Variants in PHACTR1 observed in about 807,000 individuals in gnomAD.
PHACTR1 encodes phosphatase and actin regulator 1.
PHACTR1 carries 16 observed loss-of-function variants against 69.2 expected under a neutral mutation model. The ratio of observed to expected loss-of-function variants is 0.23; its 90% confidence interval spans 0.16 to 0.35. The LOEUF is 0.35. PHACTR1 is among the 10% of genes least tolerant of loss of function. The pLI is 1.00. For synonymous variants in PHACTR1, 312 were observed against 284.5 expected, an observed-to-expected ratio of 1.10 and a Z score of -0.97; for missense variants, 510 against 734.7, an observed-to-expected ratio of 0.69 and a Z score of 3.54.
chr6:12,767,446 G>A (rs1023993514), intron 4 of PHACTR1, among the ~76,000 whole-genome samples: 2 of 152,208 alleles, frequency 1.3e-5, no homozygotes, highest in African/African-American at 4.8e-5. Context: ...TGGAGAAAAA[G>A]GTTTCCTTCA....
intron 8 of PHACTR1, among the ~76,000 whole-genome samples, chr6:13,216,106 T>A (rs1346583889): frequency 6.6e-6 from 1 of 152,242 alleles, no homozygotes; most frequent in Non-Finnish European, 1.5e-5. Flanking sequence ...ATTTTTACAT[T>A]GGACAGAAGA....
In PHACTR1 at chr6:12,788,311, G is replaced by A. The variant is rs1440577034; in HGVS notation, c.250+38521G>A. Among the ~76,000 whole-genome samples the A allele has an allele frequency of 2.0e-5, 3 of 152,238 alleles. No individual in the cohort carries two copies. In the East Asian group the frequency reaches 5.8e-4, roughly 29 times the overall value. On this transcript the variant is annotated intron_variant, in intron 4 of 14. Coordinates refer to ENST00000332995, the MANE Select transcript of PHACTR1 (RefSeq NM_030948.6). ...AGCGAGATGAGGGCTTTGCTTTGCA[G>A]AAATGAAAATCTAGAGGCCATGGTC... is the stretch of plus-strand genomic sequence containing the variant.
At chr6:13,055,250 C>A (rs1806591802) in intron 5 of PHACTR1, among the ~76,000 whole-genome samples, 1 of 152,022 alleles carries the variant, frequency 6.6e-6, no homozygotes, top group Non-Finnish European at 1.5e-5. Flanking sequence ...TAAGTCCCAC[C>A]ACTCTGACTC....
At chr6:13,100,360 A>G (rs1177743574) in intron 5 of PHACTR1, among the ~76,000 whole-genome samples, 2 of 152,198 alleles carry the variant, frequency 1.3e-5, no homozygotes, top group East Asian at 1.9e-4. Context: ...CTACATGTGT[A>G]TAAACCCCAA....
intron 4 of PHACTR1, among the ~76,000 whole-genome samples, chr6:12,889,606 AT>A (rs545719455): frequency 3.3e-5 from 5 of 151,930 alleles, no homozygotes; most frequent in Non-Finnish European, 5.9e-5. Flanking sequence ...TTTCAGTGTT[AT>A]TTTTTTGGCC....
chr6:13,264,925 G>A (rs1776419915), intron 10 of PHACTR1: 1 of 151,944 alleles, frequency 6.6e-6, no homozygotes, highest in African/African-American at 2.4e-5. Context: ...AGGAGGCTGA[G>A]GTGAGAGGAT....
At chr6:13,096,450 C>T (rs1395838754) in intron 5 of PHACTR1, among the ~76,000 whole-genome samples, 1 of 152,240 alleles carries the variant, frequency 6.6e-6, no homozygotes, top group Non-Finnish European at 1.5e-5. Flanking sequence ...TTCTTTTCCA[C>T]TCTTTAACCT....
At chr6:13,143,476 G>T (rs535547034) in intron 5 of PHACTR1, among the ~76,000 whole-genome samples, 15 of 152,324 alleles carry the variant, frequency 9.8e-5, no homozygotes, top group Non-Finnish European at 1.9e-4. Context: ...CGAACTGTGT[G>T]TGCAGATATC....
chr6:12,948,369 G>A (rs1294385557), intron 4 of PHACTR1, among the ~76,000 whole-genome samples: 1 of 152,106 alleles, frequency 6.6e-6, no homozygotes, highest in African/African-American at 2.4e-5. Context: ...AAAGAAAGAG[G>A]TATATCCCAG....
chr6:12,987,908 C>T (rs545400082), intron 4 of PHACTR1, among the ~76,000 whole-genome samples: 5 of 152,180 alleles, frequency 3.3e-5, no homozygotes, highest in Non-Finnish European at 7.3e-5. Context: ...CACCAGTCCC[C>T]ACTATGACTG....
rs1401058863 is a variant in PHACTR1 at position 13,283,276 on chromosome 6, CCCCCTG to C, written c.1510-134_1510-129del. 1.1e-5 allele frequency: 8 copies of C among 718,418 alleles called. No homozygotes were observed. Among genetic ancestry groups the C allele is most frequent in the Non-Finnish European group, 1.5e-5 (7 of 456,174 alleles). The allele number at this position is 718,418 out of a possible 1,614,324, so 44.5% of individuals were successfully genotyped here. Reference sequence around the variant, plus strand: ...ACTTGGGTCCCCCCACCCTGGCCCTCCCCCTGCCCCTGCCCCTCACTCACTATGCGA... The same window carrying C: ...ACTTGGGTCCCCCCACCCTGGCCCTCCCCCTGCCCCTCACTCACTATGCGA... On this transcript the variant is annotated intron_variant, in intron 12 of 14. Transcript: ENST00000332995. This position sits in a 1 kb window ranked among gnomAD's most constrained non-coding sequence, Gnocchi z 4.7.
chr6:13,236,956 A>G (rs1026955340), intron 10 of PHACTR1, among the ~76,000 whole-genome samples: 7 of 152,042 alleles, frequency 4.6e-5, no homozygotes, highest in African/African-American at 1.7e-4. Context: ...TGAAAAGTCC[A>G]CCCTTGCATC....
intron 7 of PHACTR1, among the ~76,000 whole-genome samples, chr6:13,201,998 C>T (rs1765302850): frequency 6.6e-6 from 1 of 152,226 alleles, no homozygotes; most frequent in Non-Finnish European, 1.5e-5. Flanking sequence ...TTATTCGCTG[C>T]CCTTTAATTC....
chr6:13,178,350 G>T (rs1150612), intron 6 of PHACTR1, among the ~76,000 whole-genome samples: 4 of 152,236 alleles, frequency 2.6e-5, no homozygotes, highest in Non-Finnish European at 5.9e-5. Flanking sequence ...ATTTCCTGCC[G>T]GAAACCTCAT....
intron 3 of PHACTR1, among the ~76,000 whole-genome samples, chr6:12,727,227 A>G (rs1223203489): frequency 1.3e-5 from 2 of 152,174 alleles, no homozygotes; most frequent in Non-Finnish European, 2.9e-5. Flanking sequence ...ATGATGGGTG[A>G]AAAAGACAGT....
intron 4 of PHACTR1, among the ~76,000 whole-genome samples, chr6:12,859,581 T>G (rs2127422448): frequency 6.6e-6 from 1 of 152,236 alleles, no homozygotes; most frequent in Non-Finnish European, 1.5e-5. Context: ...TGAGAAAAGG[T>G]AGCAGTTGAG....
intron 4 of PHACTR1, chr6:12,957,604 CCGCAGGTCACA>C (rs1792057527): frequency 1.7e-5 from 17 of 985,630 alleles, no homozygotes; most frequent in Non-Finnish European, 1.9e-5. Context: ...GTCTGAGTAC[CCGCAGGTCACA>C]CCCAGGAGGG....
intron 6 of PHACTR1, among the ~76,000 whole-genome samples, chr6:13,170,117 A>G (rs1760375456): frequency 6.6e-6 from 1 of 152,202 alleles, no homozygotes; most frequent in African/African-American, 2.4e-5. Flanking sequence ...TGCGTATACC[A>G]CAGTGTACAG....
rs111649119 is a variant in PHACTR1 at position 13,020,329 on chromosome 6, A to G, written c.251-33036A>G. 4.4e-3 allele frequency among the ~76,000 whole-genome samples: 672 copies of G among 152,328 alleles called. 4 individuals carry two copies. The highest frequency in any genetic ancestry group is 7.9e-3 in the Non-Finnish European group (538 of 68,022). ...TTTTATACCCAAGTCCAGAGGAAGGATAGAACATGGTCATTTGTTTATTCA... is the reference window on the plus strand; with the variant it reads ...TTTTATACCCAAGTCCAGAGGAAGGGTAGAACATGGTCATTTGTTTATTCA... On this transcript the variant is annotated intron_variant, in intron 4 of 14. Transcript: ENST00000332995.
Sources: allele counts gnomAD v4.1 joint callset (sites outside exome capture counted in the v4.1 genomes callset), GRCh38; gene constraint gnomAD v4.1.1; non-coding constraint Gnocchi (gnomAD v3.1); transcripts MANE v1.5; gene names NCBI Gene and HGNC (gene_info 2026-07-23, HGNC 2026-07-21).